The following ZNF143 variants were observed in gnomAD, a reference collection of about 807,000 sequenced individuals.
ZNF143 encodes the protein zinc finger protein 143, also known as SPH-binding factor.
Under a neutral mutation model 74.1 loss-of-function variants are expected in ZNF143, and 49 were observed. That is an observed-to-expected ratio of 0.66 (90% CI 0.53 to 0.84). ZNF143 has a LOEUF of 0.84. Ranked by LOEUF, ZNF143 falls within the 40% of genes least tolerant of loss-of-function variation. The pLI is 0.00. For missense variants in ZNF143, 637 were observed against 793.4 expected, an observed-to-expected ratio of 0.80 and a Z score of 2.37; for synonymous variants, 304 against 282.8, an observed-to-expected ratio of 1.07 and a Z score of -0.75.
intron 7 of ZNF143, among the ~76,000 whole-genome samples, chr11:9,489,720 T>C (rs1403573125): frequency 6.6e-6 from 1 of 152,184 alleles, no homozygotes; most frequent in East Asian, 1.9e-4. Context: ...TGTGGAAAGC[T>C]GGTAAGCACT....
chr11:9,477,382 G>A (rs1856997239), intron 5 of ZNF143, among the ~76,000 whole-genome samples: 1 of 152,050 alleles, frequency 6.6e-6, no homozygotes, highest in Non-Finnish European at 1.5e-5. Flanking sequence ...AGCCTCCCAA[G>A]TAGCTGGGAC....
chr11:9,500,169 A>G (rs1334827772), intron 10 of ZNF143, among the ~76,000 whole-genome samples: 1 of 149,918 alleles, frequency 6.7e-6, no homozygotes, highest in Non-Finnish European at 1.5e-5. Flanking sequence ...CTGGTCTTGA[A>G]CTCCTGAGCT....
chr11:9,497,550 G>A, intron 9 of ZNF143, 125 bp from the exon 10 acceptor site: 2 of 773,314 alleles, frequency 2.6e-6, no homozygotes, highest in Non-Finnish European at 3.9e-6. Flanking sequence ...ATTTTAAATA[G>A]TTATTCTGTG....
At chr11:9,515,955 A>T (rs2134206577) in intron 13 of ZNF143, among the ~76,000 whole-genome samples, 1 of 152,318 alleles carries the variant, frequency 6.6e-6, no homozygotes, top group Non-Finnish European at 1.5e-5. Context: ...ACTGCCCTCC[A>T]GCCTGGGCAA....
intron 7 of ZNF143, among the ~76,000 whole-genome samples, chr11:9,490,739 A>T (rs186385433): frequency 1.2e-3 from 176 of 152,260 alleles, no homozygotes; most frequent in African/African-American, 4.1e-3. Context: ...ATAAACAGAA[A>T]CTGATCTTTT....
chr11:9,471,695 G>T (rs537106518), intron 2 of ZNF143, among the ~76,000 whole-genome samples: 16 of 151,896 alleles, frequency 1.1e-4, no homozygotes, highest in Admixed American at 7.9e-4. Flanking sequence ...TGGGATTACA[G>T]GCATGTGCCA....
intron 7 of ZNF143, among the ~76,000 whole-genome samples, chr11:9,486,402 T>TATATAA (rs1259574052): frequency 3.8e-5 from 1 of 26,536 alleles, no homozygotes. Flanking sequence ...ATATAATATA[T>TATATAA]TATATATATA....
At chr11:9,506,902 T>C (rs954552415) in intron 11 of ZNF143, among the ~76,000 whole-genome samples, 2 of 152,102 alleles carry the variant, frequency 1.3e-5, no homozygotes, top group African/African-American at 4.8e-5. Context: ...TCAATCCAAA[T>C]CCATTCGCCT....
chr11:9,462,576 A>G (rs952821501), intron 1 of ZNF143, among the ~76,000 whole-genome samples: 2 of 151,522 alleles, frequency 1.3e-5, no homozygotes, highest in African/African-American at 4.9e-5. Flanking sequence ...AAAAAGTGAT[A>G]ATTAGTTGAA....
intron 11 of ZNF143, among the ~76,000 whole-genome samples, chr11:9,502,241 C>CT (rs1183629630): frequency 0.37 from 20,973 of 57,088 alleles, 3,824 homozygotes; most frequent in Middle Eastern, 0.5. Flanking sequence ...TGGCCATATT[C>CT]TTTTTTTTTT....
intron 7 of ZNF143, among the ~76,000 whole-genome samples, chr11:9,482,226 TC>T (rs1847271697): frequency 6.8e-6 from 1 of 147,888 alleles, no homozygotes; most frequent in African/African-American, 2.5e-5. Flanking sequence ...TGCCTTGGCT[TC>T]CCAAAGTGCT....
At position 9,482,549 on chromosome 11, in the gene ZNF143, C is replaced by T. The variant is rs188686734; in HGVS notation, c.645+3003C>T. Among the ~76,000 whole-genome samples, 481 of 151,700 alleles carry T rather than the reference C, an allele frequency of 3.2e-3. 3 individuals are homozygous for T. The highest frequency in any genetic ancestry group is 6.8e-3 in the Middle Eastern group (2 of 294). On this transcript the variant is annotated intron_variant, in intron 7 of 15. Transcript: ENST00000396602. ...CCTCCCATAGTGCTGGGATTATAGG[C>T]GTGAGCCAGCGCACCCGGCCAAAAA...
chr11:9,520,862 GC>G, intron 14 of ZNF143, among the ~76,000 whole-genome samples: 1 of 152,322 alleles, frequency 6.6e-6, no homozygotes, highest in East Asian at 1.9e-4. Context: ...TAAAGTTTTA[GC>G]CATTCTACTG....
rs538043167 is a variant in ZNF143 at position 9,508,900 on chromosome 11, G to A, written c.1375+54G>A. ...TCTGAGTTTGAGAATCAACAGTTATGAACATAATTTATGATTCATAGCATT... is the reference window on the plus strand; with the variant it reads ...TCTGAGTTTGAGAATCAACAGTTATAAACATAATTTATGATTCATAGCATT... On this transcript the variant is annotated intron_variant, in intron 12 of 15. Coordinates refer to ENST00000396602, the MANE Select transcript of ZNF143 (RefSeq NM_003442.6). The A allele has an allele frequency of 2.7e-6, 4 of 1,499,728 alleles. No individual in the cohort carries two copies. In the African/African-American group the frequency reaches 5.6e-5, roughly 21 times the overall value. 92.9% of individuals were successfully genotyped at this position (1,499,728 alleles called of 1,614,324 possible).
chr11:9,518,806 A>G (rs1419048227), intron 14 of ZNF143, among the ~76,000 whole-genome samples: 4 of 152,066 alleles, frequency 2.6e-5, no homozygotes, highest in Admixed American at 1.3e-4. Context: ...TGCTTGTTAC[A>G]TATTGCCAAA....
chr11:9,522,158 T>C (rs539433507), intron 14 of ZNF143, among the ~76,000 whole-genome samples: 1 of 151,564 alleles, frequency 6.6e-6, no homozygotes, highest in African/African-American at 2.4e-5. Flanking sequence ...AAGGTTTAAA[T>C]TGAATGATCT....
intron 7 of ZNF143, among the ~76,000 whole-genome samples, chr11:9,483,711 T>TG (rs1217943629): frequency 1.3e-5 from 2 of 150,734 alleles, no homozygotes; most frequent in Non-Finnish European, 2.9e-5. Flanking sequence ...TCCAAAGTCC[T>TG]GGGATTATAG....
Position 9,479,403 on chromosome 11 carries a change from C to T in ZNF143, c.571-69C>T, listed in dbSNP as rs1342667677. ...TTTTTTTGCAAGCTTCTCCCTGAAC[C>T]ATGTACTTAACCAGCCTAAACCATT... On this transcript the variant is annotated intron_variant, in intron 6 of 15. Transcript: ENST00000396602. The T allele has an allele frequency of 1.0e-5, 13 of 1,278,662 alleles. No homozygotes were observed. In the East Asian group the frequency reaches 1.5e-4, roughly 15 times the overall value. The allele number at this position is 1,278,662 out of a possible 1,614,324, so 79.2% of individuals were successfully genotyped here.
intron 1 of ZNF143, among the ~76,000 whole-genome samples, chr11:9,466,342 C>A (rs1471509056): frequency 2.6e-5 from 4 of 151,116 alleles, no homozygotes; most frequent in African/African-American, 9.7e-5. Flanking sequence ...GTTGCCCAGG[C>A]TGGAGTGCAA....
Sources: gnomAD v4.1 joint callset for allele counts (sites outside exome capture counted in the v4.1 genomes callset) on GRCh38, gnomAD v4.1.1 for gene constraint, MANE v1.5 for transcripts, NCBI Gene and HGNC (gene_info 2026-07-23, HGNC 2026-07-21) for gene names.